Variants in DHRSX observed in about 807,000 individuals in gnomAD.
DHRSX encodes the protein dehydrogenase/reductase X-linked.
A neutral mutation model predicts 34.0 loss-of-function variants in DHRSX; 31 were observed. That is an observed-to-expected ratio of 0.91 (90% CI 0.69 to 1.23). The LOEUF (loss-of-function observed/expected upper bound fraction) is 1.23, where lower values mean the gene tolerates loss of function less well. DHRSX is among the 50% of genes most tolerant of loss of function. The pLI, the probability that DHRSX is intolerant of heterozygous loss-of-function variation, is 0.00. For missense variants in DHRSX, 414 were observed against 428.1 expected (o/e 0.97, Z 0.29); for synonymous variants, 201 against 183.8 (o/e 1.09, Z -0.76).
chrX:2,255,541 G>A (rs1027554362), intron 5 of DHRSX, among the ~76,000 whole-genome samples: 2 of 152,170 alleles, frequency 1.3e-5, no homozygotes, highest in Non-Finnish European at 1.5e-5. Flanking sequence ...TGTTCACAGT[G>A]AGGCACGCCC....
chrX:2,404,372 G>T (rs771157438), intron 3 of DHRSX, among the ~76,000 whole-genome samples: 1 of 152,270 alleles, frequency 6.6e-6, no homozygotes, highest in South Asian at 2.1e-4. Flanking sequence ...GAAGGGCCAA[G>T]GTGGCAGGGA....
At chrX:2,429,113 G>A (rs1381951295) in intron 1 of DHRSX, among the ~76,000 whole-genome samples, 21 of 152,168 alleles carry the variant, frequency 1.4e-4, no homozygotes, top group African/African-American at 2.4e-5. Context: ...TGTATCCCTC[G>A]TAACCTGAAG....
chrX:2,320,805 C>G (rs1266819502), intron 3 of DHRSX, among the ~76,000 whole-genome samples: 11 of 151,730 alleles, frequency 7.2e-5, no homozygotes. Flanking sequence ...CGTGGATTGT[C>G]ATTAGCTTCC....
At chrX:2,487,266 C>G (rs1274883613) in intron 1 of DHRSX, 7 of 152,224 alleles carry the variant, frequency 4.6e-5, no homozygotes, top group African/African-American at 1.7e-4. Context: ...TTCCGGTAAT[C>G]AAATCAAAAA....
At chrX:2,231,829 TTCTC>T (rs1387511247) in intron 6 of DHRSX, among the ~76,000 whole-genome samples, 1 of 148,986 alleles carries the variant, frequency 6.7e-6, no homozygotes. Context: ...CTTCCTTTCT[TTCTC>T]CTCTTTCTCA....
intron 3 of DHRSX, among the ~76,000 whole-genome samples, chrX:2,404,694 T>C (rs751347470): frequency 6.6e-6 from 1 of 152,310 alleles, no homozygotes; most frequent in East Asian, 1.9e-4. Flanking sequence ...ACAACTGTCT[T>C]TGTTTCTCAC....
intron 2 of DHRSX, among the ~76,000 whole-genome samples, chrX:2,417,813 C>G (rs904025926): frequency 8.7e-4 from 132 of 152,034 alleles, no homozygotes; most frequent in Non-Finnish European, 1.5e-3. Context: ...CTAATCTAAT[C>G]CAACAAGATT....
intron 1 of DHRSX, among the ~76,000 whole-genome samples, chrX:2,496,023 T>C (rs1338895964): frequency 6.6e-6 from 1 of 152,104 alleles, no homozygotes; most frequent in Non-Finnish European, 1.5e-5. Context: ...ATTTTGGAAA[T>C]GACAATCATT....
chrX:2,259,488 C>T (rs1404423392), intron 5 of DHRSX, among the ~76,000 whole-genome samples: 1 of 151,860 alleles, frequency 6.6e-6, no homozygotes, highest in African/African-American at 2.4e-5. Flanking sequence ...CGGCTCTGAG[C>T]TGGCTCTGGC....
intron 1 of DHRSX, among the ~76,000 whole-genome samples, chrX:2,450,627 G>C (rs1372679235): frequency 6.6e-6 from 1 of 151,562 alleles, no homozygotes; most frequent in African/African-American, 2.4e-5. Context: ...CCGTGACCAA[G>C]ATTTTATAAG....
rs1212895707 is a variant in DHRSX at position 2,430,256 on chromosome X, C to G, written c.110-4952G>C. On this transcript the variant is annotated intron_variant, in intron 1 of 6. Transcript: ENST00000334651. ...CCTGGGCAAGGTAGCGAGACCCCAG[C>G]TCAAAAAAAAAAAAAAAAGCATCAC... Among the ~76,000 whole-genome samples, 3 of 57,738 alleles carry G rather than the reference C, an allele frequency of 5.2e-5. No homozygotes were observed. In the South Asian group the frequency reaches 2.0e-3, roughly 38 times the overall value. 37.9% of individuals were successfully genotyped at this position (57,738 alleles called of 152,430 possible).
chrX:2,489,853 G>A (rs750829336), intron 1 of DHRSX: 1 of 1,613,636 alleles, frequency 6.2e-7, no homozygotes, highest in Non-Finnish European at 8.5e-7. Flanking sequence ...GGCCCAGGCA[G>A]GGCATGTGCA....
In DHRSX at chrX:2,398,166, T is replaced by C. The variant is rs192508960; in HGVS notation, c.286+10579A>G. Among the ~76,000 whole-genome samples the C allele has an allele frequency of 2.9e-3, 434 of 152,240 alleles. 1 individual carries two copies. Among genetic ancestry groups the C allele is most frequent in the African/African-American group, 0.01 (419 of 41,550 alleles). On this transcript the variant is annotated intron_variant, in intron 3 of 6. Coordinates refer to ENST00000334651, the MANE Select transcript of DHRSX (RefSeq NM_145177.3). ...TAAGGAGCTCATGGTGCTGCAGAAGTATCTCTGAATGGATCAGGGCAACCG... is the reference window on the plus strand; with the variant it reads ...TAAGGAGCTCATGGTGCTGCAGAAGCATCTCTGAATGGATCAGGGCAACCG...
At chrX:2,269,575 C>A (rs1250959175) in intron 4 of DHRSX, among the ~76,000 whole-genome samples, 1 of 152,006 alleles carries the variant, frequency 6.6e-6, no homozygotes, top group Non-Finnish European at 1.5e-5. Context: ...TCGCTCTTGT[C>A]GTCCAGGCTG....
chrX:2,383,844 C>T (rs2043241436), intron 3 of DHRSX, among the ~76,000 whole-genome samples: 1 of 152,190 alleles, frequency 6.6e-6, no homozygotes, highest in South Asian at 2.1e-4. Flanking sequence ...ATGAAAGGGA[C>T]TTGGATGGTC....
In DHRSX at chrX:2,355,511, T is replaced by TAAA. The variant is rs767512287; in HGVS notation, c.286+53231_286+53233dup. ...TGGGTGACAAGAGCGAGACCCCATC[T>TAAA]AAAAAAAAAAAAAAAAAAAAAAAAA... On this transcript the variant is annotated intron_variant, in intron 3 of 6. Transcript: ENST00000334651. Among the ~76,000 whole-genome samples the TAAA allele has an allele frequency of 4.4e-3, 329 of 75,254 alleles. 32 individuals carry two copies. The highest frequency in any genetic ancestry group is 0.043 in the East Asian group (47 of 1,088). 49.4% of individuals were successfully genotyped at this position (75,254 alleles called of 152,430 possible).
intron 3 of DHRSX, among the ~76,000 whole-genome samples, chrX:2,387,998 C>T (rs955964647): frequency 6.6e-6 from 1 of 150,944 alleles, no homozygotes; most frequent in Admixed American, 6.6e-5. Flanking sequence ...AGGAGCCTGG[C>T]TCACTCCTGA....
At chrX:2,457,459 A>G (rs2044317281) in intron 1 of DHRSX, among the ~76,000 whole-genome samples, 1 of 150,266 alleles carries the variant, frequency 6.7e-6, no homozygotes, top group South Asian at 2.1e-4. Context: ...GACTGCTACC[A>G]TTTACACACT....
intron 2 of DHRSX, among the ~76,000 whole-genome samples, chrX:2,414,393 C>T (rs2043668633): frequency 6.6e-6 from 1 of 151,806 alleles, no homozygotes; most frequent in African/African-American, 2.4e-5. Flanking sequence ...TCATCACAAC[C>T]TTATCCAAGT....
Sources: gnomAD v4.1 joint callset for allele counts (sites outside exome capture counted in the v4.1 genomes callset) on GRCh38, gnomAD v4.1.1 for gene constraint, MANE v1.5 for transcripts, NCBI Gene and HGNC (gene_info 2026-07-23, HGNC 2026-07-21) for gene names.